GFRA4: variants seen among roughly 807,000 people sequenced by gnomAD.
GFRA4 encodes GDNF family receptor alpha 4.
Under a neutral mutation model 28.5 loss-of-function variants are expected in GFRA4, and 31 were observed. The observed-to-expected ratio is 1.09, with a 90% CI of 0.82 to 1.47. GFRA4 has a LOEUF of 1.47. GFRA4 is among the 40% of genes most tolerant of loss of function. GFRA4 has a pLI of 0.00. For missense variants in GFRA4, 389 were observed against 413.2 expected, an observed-to-expected ratio of 0.94 and a Z score of 0.51; for synonymous variants, 188 against 188.0, an observed-to-expected ratio of 1.00 and a Z score of 0.00.
Position 3,660,236 on chromosome 20 carries a change from C to G in GFRA4, c.651G>C (p.Gln217His). 6.2e-7 allele frequency: 1 copy of G among 1,606,024 alleles called. No individual in the cohort carries two copies. The highest frequency in any genetic ancestry group is 8.5e-7 in the Non-Finnish European group (1 of 1,176,602). ...CTGGGGGCCACCCGCTGGCAAAGGC[C>G]TGAATGGCACCATCTATGGAGGGAG... is the stretch of plus-strand genomic sequence containing the variant. ...TRNRCLDGAI[Q>H]AFASGWPPVL... The change falls in exon 5 of 6, where the codon CAG (glutamine) becomes CAC (histidine). Residue 217 changes from glutamine to histidine, a missense_variant. Transcript: ENST00000290417.
In GFRA4 at chr20:3,660,837, C is replaced by T; in HGVS notation, c.420G>A (p.Ser140=). 1.4e-6 allele frequency: 2 copies of T among 1,427,746 alleles called. No homozygotes were observed. The highest frequency in any genetic ancestry group is 1.8e-6 in the Non-Finnish European group (2 of 1,102,826). The allele number at this position is 1,427,746 out of a possible 1,614,324, so 88.4% of individuals were successfully genotyped here. The change falls in exon 3 of 6, where the codon TCG becomes TCA. Residue 140 remains serine (S), a synonymous_variant. Coordinates refer to ENST00000290417, the MANE Select transcript of GFRA4 (RefSeq NM_022139.4). ...CRPRLLAFQV[S]CTPAPSAPDG... ...CGGGGGCGCTGGGCGCTGGGGTGCA[C>T]GAGACCTGAAAGGCCAGGAGGCGAG... is the stretch of plus-strand genomic sequence containing the variant.
At chr20:3,661,567 C>T (rs2087225430) in intron 1 of GFRA4, among the ~76,000 whole-genome samples, 1 of 32,308 alleles carries the variant, frequency 3.1e-5, no homozygotes, top group East Asian at 4.8e-4. Flanking sequence ...CCAAGCATCG[C>T]CACCATTTCT....
rs969968832 is a variant in GFRA4, at chr20:3,660,940, G to T, written c.392+4C>A. On this transcript the variant is annotated splice_donor_region_variant and intron_variant, in intron 2 of 5. Transcript: ENST00000290417. ...GCCACGGCCCCGCCGCCGCCCGCGCGCACCTGCAGACCCGGCTGCGCTCGC... is the reference window on the plus strand; with the variant it reads ...GCCACGGCCCCGCCGCCGCCCGCGCTCACCTGCAGACCCGGCTGCGCTCGC... 11 of 1,376,938 alleles carry T rather than the reference G, an allele frequency of 8.0e-6. No homozygotes were observed. The African/African-American group carries it at 1.4e-4, about 17-fold the overall frequency. 85.3% of individuals were successfully genotyped at this position (1,376,938 alleles called of 1,614,324 possible).
intron 1 of GFRA4, among the ~76,000 whole-genome samples, chr20:3,662,491 C>T (rs1195891271): frequency 6.8e-6 from 1 of 147,664 alleles, no homozygotes; most frequent in South Asian, 2.2e-4. Context: ...ATCCCCCCCC[C>T]AGGGCTGGGA....
chr20:3,660,879 G>GGCGGTGAGCCGGAGA lies in GFRA4; in HGVS notation c.393-30_393-16dup. 2 of 1,405,500 alleles carry GGCGGTGAGCCGGAGA rather than the reference G, an allele frequency of 1.4e-6. No individual in the cohort carries two copies. The highest frequency in any genetic ancestry group is 1.8e-6 in the Non-Finnish European group (2 of 1,090,068). 87.1% of individuals were successfully genotyped at this position (1,405,500 alleles called of 1,614,324 possible). A position where few individuals can be genotyped will look rare whatever the true frequency, so the allele number is the denominator to read the frequency against. ...GGAGGCGAGGCCTGCGCGGCGGGAG[G>GGCGGTGAGCCGGAGA]GCGGTGAGCCGGAGAGAGGCCCCGT... is the stretch of plus-strand genomic sequence containing the variant. On this transcript the variant is annotated splice_polypyrimidine_tract_variant and intron_variant, in intron 2 of 5. Transcript: ENST00000290417.
intron 1 of GFRA4, 25 bp downstream of exon 1, chr20:3,663,329 T>C: frequency 6.2e-7 from 1 of 1,606,356 alleles, no homozygotes. Flanking sequence ...GGGTTCGGGG[T>C]CCAGGGGAAG....
In GFRA4 at chr20:3,660,223, C is replaced by G. The variant is rs1353480661; in HGVS notation, c.664G>C (p.Gly222Arg). The G allele has an allele frequency of 6.2e-7, 1 of 1,606,174 alleles. No individual in the cohort carries two copies. The highest frequency in any genetic ancestry group is 8.5e-7 in the Non-Finnish European group (1 of 1,177,050). ...LDGAIQAFAS[G>R]WPPVLLDQLN... ...TGGTCCAGCAGGACTGGGGGCCACCCGCTGGCAAAGGCCTGAATGGCACCA... is the reference window on the plus strand; with the variant it reads ...TGGTCCAGCAGGACTGGGGGCCACCGGCTGGCAAAGGCCTGAATGGCACCA... Residue 222 changes from glycine (G) to arginine (R), a missense_variant, in exon 5 of 6, where the codon GGG becomes CGG. Gly to Arg is a moderately radical substitution (Grantham distance 125, BLOSUM62 -2). Transcript: ENST00000290417.
chr20:3,660,895 G>A (rs58634535), intron 2 of GFRA4, 31 bp from the exon 3 acceptor site: 237,184 of 1,397,494 alleles, frequency 0.17, 20,714 homozygotes, highest in African/African-American at 0.26. Context: ...GAGCCGGAGA[G>A]AGGCCCCGTC....
intron 5 of GFRA4, 56 bp from the exon 6 acceptor site, chr20:3,660,045 C>A: frequency 6.6e-7 from 1 of 1,520,680 alleles, no homozygotes. Context: ...CTGCCCTCTG[C>A]CTGCACCCCC....
intron 1 of GFRA4, 111 bp downstream of exon 1, chr20:3,663,243 C>G: frequency 1.5e-6 from 2 of 1,345,882 alleles, no homozygotes; most frequent in South Asian, 2.6e-5. Flanking sequence ...CACTGGCAAC[C>G]CTTCCTGTGG....
chr20:3,661,051 C>A lies in GFRA4; in HGVS notation c.285G>T (p.Glu95Asp). 6.9e-7 allele frequency: 1 copy of A among 1,455,312 alleles called. No individual in the cohort carries two copies. The highest frequency in any genetic ancestry group is 9.0e-7 in the Non-Finnish European group (1 of 1,110,946). The allele number at this position is 1,455,312 out of a possible 1,614,324, so 90.1% of individuals were successfully genotyped here. ...AGGGCACGAAGGTCTGGCGCCGACG[C>A]TCGGCGCACGCGGGGCCCGCGCACG... Reference protein sequence around the residue: ...FCPCAGPACAERRRQTFVPSC... With the variant: ...FCPCAGPACADRRRQTFVPSC... Residue 95 changes from glutamate to aspartate, a missense_variant, in exon 2 of 6, where the codon GAG becomes GAT. Transcript: ENST00000290417.
chr20:3,662,925 C>T (rs1285936200), intron 1 of GFRA4, among the ~76,000 whole-genome samples: 2 of 152,300 alleles, frequency 1.3e-5, no homozygotes, highest in South Asian at 2.1e-4. Flanking sequence ...ACACTACACT[C>T]GGTAAAGTGA....
Position 3,660,269 on chromosome 20 carries a change from G to C in GFRA4, c.638-20C>G. ...CACCATCTATGGAGGGAGGGGTCCA[G>C]GGTGGACTTAGCTGGGAAACCCTAG... On this transcript the variant is annotated intron_variant, in intron 4 of 5. Coordinates refer to ENST00000290417, the MANE Select transcript of GFRA4 (RefSeq NM_022139.4). The C allele has an allele frequency of 6.3e-7, 1 of 1,584,432 alleles. No individual in the cohort carries two copies. The highest frequency in any genetic ancestry group is 8.6e-7 in the Non-Finnish European group (1 of 1,163,522).
At chr20:3,662,641 G>T (rs1009193457) in intron 1 of GFRA4, among the ~76,000 whole-genome samples, 1 of 152,218 alleles carries the variant, frequency 6.6e-6, no homozygotes, top group Non-Finnish European at 1.5e-5. Context: ...TGGTCCCTGA[G>T]TGGAGGGGAT....
At position 3,660,186 on chromosome 20, in the gene GFRA4, T is replaced by TGG; in HGVS notation, c.699_700dup (p.Gln234ProfsTer39). 1.3e-6 allele frequency: 2 copies of TGG among 1,599,260 alleles called. No individual in the cohort carries two copies. The highest frequency in any genetic ancestry group is 1.7e-6 in the Non-Finnish European group (2 of 1,173,924). On this transcript the variant is annotated frameshift_variant, in exon 5 of 6. Coordinates refer to ENST00000290417, the MANE Select transcript of GFRA4 (RefSeq NM_022139.4). LOFTEE classifies it low-confidence loss of function (END_TRUNC). ...CAGGAGGCTGTGCTCCGGGTCTCCC[T>TGG]GGGGGTTCAGCTGGTCCAGCAGGAC...
intron 5 of GFRA4, 72 bp downstream of exon 5, chr20:3,660,086 C>A: frequency 1.3e-6 from 2 of 1,514,812 alleles, no homozygotes; most frequent in East Asian, 2.4e-5. Context: ...CCACCCAGGC[C>A]CACCAGGGAC....
intron 4 of GFRA4, 62 bp from the exon 5 acceptor site, chr20:3,660,311 G>T: frequency 7.2e-7 from 1 of 1,380,738 alleles, no homozygotes; most frequent in Non-Finnish European, 1.0e-6. Flanking sequence ...GCTCAGCACA[G>T]GGGACAAAGT....
At position 3,659,719 on chromosome 20, in the gene GFRA4, C is replaced by T. The variant is rs577187035; in HGVS notation, c.*190G>A. On this transcript the variant is annotated 3_prime_UTR_variant, in exon 6 of 6. Transcript: ENST00000290417. Reference sequence around the variant, plus strand: ...GAGACGGGGGCTTTACAGTCAGGCCCCAGCCTACATCCCTTGCCCCAGGGG... The same window carrying T: ...GAGACGGGGGCTTTACAGTCAGGCCTCAGCCTACATCCCTTGCCCCAGGGG... 5 of 601,486 alleles carry T rather than the reference C, an allele frequency of 8.3e-6. No individual in the cohort carries two copies. Among genetic ancestry groups the T allele is most frequent in the South Asian group, 2.0e-5 (1 of 50,408 alleles). The allele number at this position is 601,486 out of a possible 1,614,324, so 37.3% of individuals were successfully genotyped here.
At chr20:3,661,925 C>T (rs1600185326) in intron 1 of GFRA4, among the ~76,000 whole-genome samples, 1 of 152,116 alleles carries the variant, frequency 6.6e-6, no homozygotes, top group Non-Finnish European at 1.5e-5. Context: ...TCCCTTGAGT[C>T]GAGGTCATCC....
Sources: gnomAD v4.1 joint callset for allele counts (sites outside exome capture counted in the v4.1 genomes callset) on GRCh38, gnomAD v4.1.1 for gene constraint, MANE v1.5 for transcripts, NCBI Gene and HGNC (gene_info 2026-07-23, HGNC 2026-07-21) for gene names.